Variants in RORA observed in about 807,000 individuals in gnomAD.
RORA encodes nuclear receptor ROR-alpha.
Under a neutral mutation model 69.5 loss-of-function variants are expected in RORA, and 7 were observed. The observed-to-expected ratio is 0.10, with a 90% CI of 0.06 to 0.19. RORA has a LOEUF of 0.19. RORA is among the 10% of genes least tolerant of loss of function. The probability of loss-of-function intolerance (pLI) is 1.00; values close to 1 mark genes in which losing one functional copy is unlikely to be tolerated. For missense variants in RORA, 457 were observed against 663.0 expected, an observed-to-expected ratio of 0.69 and a Z score of 3.41; for synonymous variants, 261 against 240.8, an observed-to-expected ratio of 1.08 and a Z score of -0.78.
At chr15:61,227,080 G>T (rs1231293951) in intron 1 of RORA, among the ~76,000 whole-genome samples, 1 of 152,048 alleles carries the variant, frequency 6.6e-6, no homozygotes, top group Non-Finnish European at 1.5e-5. Flanking sequence ...TCGCTTGCAA[G>T]AACACCTTCT....
Position 60,501,901 on chromosome 15 carries a change from A to T in RORA, c.1184-832T>A, listed in dbSNP as rs997553008. On this transcript the variant is annotated intron_variant, in intron 8 of 10. Transcript: ENST00000335670. ...ATATATCATCTGTCATATAACTTTT[A>T]AAAAAATCACTCATTTTAGATACTT... Among the ~76,000 whole-genome samples the T allele has an allele frequency of 1.2e-4, 19 of 152,178 alleles. 1 individual carries two copies. Among genetic ancestry groups the T allele is most frequent in the South Asian group, 4.1e-4 (2 of 4,832 alleles).
intron 2 of RORA, among the ~76,000 whole-genome samples, chr15:60,646,702 A>G (rs1399854967): frequency 6.6e-6 from 1 of 152,176 alleles, no homozygotes; most frequent in Non-Finnish European, 1.5e-5. Context: ...AAGCAATGTG[A>G]CCATTTGTTT....
intron 1 of RORA, among the ~76,000 whole-genome samples, chr15:60,817,471 T>A (rs1321065272): frequency 6.6e-6 from 1 of 152,168 alleles, no homozygotes; most frequent in Non-Finnish European, 1.5e-5. Flanking sequence ...AGCGGTGCAA[T>A]AAGATGATGT....
At chr15:60,613,696 C>CTGTGTGTGTGTG (rs66616801) in intron 2 of RORA, among the ~76,000 whole-genome samples, 2 of 125,362 alleles carry the variant, frequency 1.6e-5, no homozygotes, top group African/African-American at 3.1e-5. Context: ...AATTTGATAT[C>CTGTGTGTGTGTG]TGTGTGTGTG....
At chr15:61,073,758 G>A (rs1233230972) in intron 1 of RORA, among the ~76,000 whole-genome samples, 1 of 152,120 alleles carries the variant, frequency 6.6e-6, no homozygotes, top group African/African-American at 2.4e-5. Flanking sequence ...TGAGAGGCAG[G>A]CAATCCATGT....
intron 1 of RORA, among the ~76,000 whole-genome samples, chr15:60,748,309 GA>G (rs397854053): frequency 0.064 from 2,039 of 32,106 alleles, 21 homozygotes; most frequent in Non-Finnish European, 0.088. Context: ...TATAATTAGC[GA>G]AAAAAAAAAA....
At chr15:61,110,638 A>G (rs1001640779) in intron 1 of RORA, among the ~76,000 whole-genome samples, 2 of 152,110 alleles carry the variant, frequency 1.3e-5, no homozygotes, top group African/African-American at 2.4e-5. Context: ...ATTGCCCTTG[A>G]AGACCTGCCA....
intron 1 of RORA, among the ~76,000 whole-genome samples, chr15:61,087,863 T>C (rs1247562406): frequency 6.6e-6 from 1 of 152,252 alleles, no homozygotes; most frequent in Non-Finnish European, 1.5e-5. Context: ...GTTATAGTTC[T>C]TTAAACCTTT....
intron 1 of RORA, among the ~76,000 whole-genome samples, chr15:61,165,958 G>T (rs534591144): frequency 2.0e-5 from 3 of 152,260 alleles, no homozygotes; most frequent in South Asian, 2.1e-4. Flanking sequence ...CTTGTCCAAG[G>T]CCACATAGAC....
chr15:60,965,770 T>A (rs960265235), intron 1 of RORA, among the ~76,000 whole-genome samples: 2 of 152,182 alleles, frequency 1.3e-5, no homozygotes, highest in African/African-American at 2.4e-5. Flanking sequence ...CTTTTTTCCC[T>A]GAAACACTAA....
In RORA at chr15:61,119,441, A is replaced by T. The variant is rs12906398; in HGVS notation, c.166+109612T>A. On this transcript the variant is annotated intron_variant, in intron 1 of 10. Transcript: ENST00000335670. The stretch of plus-strand genomic sequence containing the variant: ...ATATATATATATATACACACACACA[A>T]ATATATATATACACACAAATATATA... 5.2e-3 allele frequency among the ~76,000 whole-genome samples: 777 copies of T among 150,336 alleles called. 4 individuals are homozygous for T. The highest frequency in any genetic ancestry group is 0.011 in the South Asian group (52 of 4,760).
chr15:61,088,760 G>T, intron 1 of RORA, among the ~76,000 whole-genome samples: 1 of 152,140 alleles, frequency 6.6e-6, no homozygotes, highest in East Asian at 1.9e-4. Context: ...ATTCTGTACA[G>T]CAAGAAAAGG....
chr15:60,715,630 G>C (rs983181398), intron 1 of RORA, among the ~76,000 whole-genome samples: 10 of 152,146 alleles, frequency 6.6e-5, no homozygotes, highest in Admixed American at 3.9e-4. Flanking sequence ...TTTTTAGAAA[G>C]GGAATATAAT....
intron 2 of RORA, 167 bp downstream of exon 2, chr15:60,678,490 G>A (rs2070587809): frequency 1.6e-6 from 1 of 627,354 alleles, no homozygotes; most frequent in Non-Finnish European, 2.9e-6. Context: ...GTACAAACAG[G>A]TGGAGATGTG....
At chr15:60,994,466 T>C (rs914142840) in intron 1 of RORA, among the ~76,000 whole-genome samples, 13 of 152,164 alleles carry the variant, frequency 8.5e-5, no homozygotes, top group Admixed American at 8.5e-4. Flanking sequence ...ACCCCTCCCT[T>C]CTCCTTTGAC....
chr15:60,927,333 G>A (rs1892247219), intron 1 of RORA, among the ~76,000 whole-genome samples: 1 of 152,230 alleles, frequency 6.6e-6, no homozygotes, highest in South Asian at 2.1e-4. Context: ...CATCTGTAAT[G>A]TTCACTTCCC....
chr15:60,850,368 A>G (rs2073311167), intron 1 of RORA, among the ~76,000 whole-genome samples: 1 of 152,142 alleles, frequency 6.6e-6, no homozygotes, highest in African/African-American at 2.4e-5. Context: ...TTCTGAGGAT[A>G]TTAAGGTAGT....
At chr15:61,093,042 C>G (rs1437536) in intron 1 of RORA, among the ~76,000 whole-genome samples, 55,596 of 151,998 alleles carry the variant, frequency 0.37, 10,490 homozygotes, top group African/African-American at 0.43. Flanking sequence ...GCTTCTTCCT[C>G]TATCTGCTGT....
intron 1 of RORA, among the ~76,000 whole-genome samples, chr15:61,129,210 G>T (rs2079168419): frequency 6.6e-6 from 1 of 151,962 alleles, no homozygotes; most frequent in Non-Finnish European, 1.5e-5. Context: ...GTTACAGAAG[G>T]TATTTCAAAA....
Sources: gnomAD v4.1 joint callset for allele counts (sites outside exome capture counted in the v4.1 genomes callset) on GRCh38, gnomAD v4.1.1 for gene constraint, MANE v1.5 for transcripts, NCBI Gene and HGNC (gene_info 2026-07-23, HGNC 2026-07-21) for gene names.